The following ZDHHC11B variants were observed in gnomAD, a reference collection of about 807,000 sequenced individuals.
ZDHHC11B encodes zDHHC palmitoyltransferase 11B (putative).
ZDHHC11B carries 17 observed loss-of-function variants against 42.3 expected under a neutral mutation model. That is an observed-to-expected ratio of 0.40 (90% CI 0.27 to 0.60). ZDHHC11B has a LOEUF of 0.60. Ranked by LOEUF, ZDHHC11B falls within the 20% of genes least tolerant of loss-of-function variation. The pLI is 0.41. For synonymous variants in ZDHHC11B, 123 were observed against 193.5 expected (o/e 0.64, Z 3.02); for missense variants, 262 against 463.2 (o/e 0.57, Z 3.99).
At chr5:731,691 C>T (rs443668) in intron 11 of ZDHHC11B, among the ~76,000 whole-genome samples, 9,052 of 140,348 alleles carry the variant, frequency 0.064, 82 homozygotes, top group African/African-American at 0.16. Context: ...ATGGAAGAAA[C>T]AATTTTAAAT....
At chr5:776,674 T>A (rs1157109389) in intron 1 of ZDHHC11B, among the ~76,000 whole-genome samples, 2 of 151,688 alleles carry the variant, frequency 1.3e-5, no homozygotes, top group African/African-American at 4.8e-5. Context: ...GCGGAAGGAG[T>A]GGACAGAGCC....
intron 4 of ZDHHC11B, among the ~76,000 whole-genome samples, chr5:758,683 C>A (rs764065157): frequency 6.6e-5 from 10 of 151,726 alleles, no homozygotes; most frequent in South Asian, 2.1e-4. Flanking sequence ...GACTCCCCCC[C>A]ACCAAGATTC....
intron 4 of ZDHHC11B, among the ~76,000 whole-genome samples, chr5:760,468 A>G (rs1734455875): frequency 6.6e-6 from 1 of 151,672 alleles, no homozygotes; most frequent in Non-Finnish European, 1.5e-5. Context: ...CAGGGGGAGC[A>G]GTGTGCAGCC....
At position 711,857 on chromosome 5, in the gene ZDHHC11B, CATTTCCCA is replaced by C. The variant is rs1741406459; in HGVS notation, c.*425_*432del. 1 of 124,058 alleles carries C rather than the reference CATTTCCCA, an allele frequency of 8.1e-6. No homozygotes were observed. Among genetic ancestry groups the C allele is most frequent in the Non-Finnish European group, 1.8e-5 (1 of 55,390 alleles). The allele number at this position is 124,058 out of a possible 1,614,324, so 7.7% of individuals were successfully genotyped here. A position where few individuals can be genotyped will look rare whatever the true frequency, so the allele number is the denominator to read the frequency against. ...CTCCCATTTCTCAGTACTGTGCTCC[CATTTCCCA>C]GTACTATGCTCCCATTTCCCAGTAC... is the stretch of plus-strand genomic sequence containing the variant. On this transcript the variant is annotated 3_prime_UTR_variant, in exon 14 of 14. Transcript: ENST00000508859.
chr5:769,777 C>T (rs1735832748), intron 1 of ZDHHC11B, among the ~76,000 whole-genome samples: 1 of 152,116 alleles, frequency 6.6e-6, no homozygotes, highest in Middle Eastern at 3.4e-3. Flanking sequence ...TTTTCTAAGA[C>T]TGCTTTCCAG....
Position 758,280 on chromosome 5 carries a change from C to A in ZDHHC11B, c.223-2136G>T, listed in dbSNP as rs1460202990. Reference sequence around the variant, plus strand: ...CAGAGCTGGAGCAGCACTTCCCTCACTGGAAACCAGTGGCAGGGAGGGTGG... The same window carrying A: ...CAGAGCTGGAGCAGCACTTCCCTCAATGGAAACCAGTGGCAGGGAGGGTGG... On this transcript the variant is annotated intron_variant, in intron 4 of 13. Coordinates refer to ENST00000508859, the MANE Select transcript of ZDHHC11B (RefSeq NM_001351303.2). 2.0e-5 allele frequency among the ~76,000 whole-genome samples: 3 copies of A among 152,060 alleles called. No individual in the cohort carries two copies. In the East Asian group the frequency reaches 5.8e-4, roughly 29 times the overall value.
chr5:754,536 C>T (rs1746321133), intron 6 of ZDHHC11B, among the ~76,000 whole-genome samples: 4 of 129,450 alleles, frequency 3.1e-5, no homozygotes, highest in South Asian at 3.3e-4. Context: ...AAACACCTCT[C>T]GTCTATGAGC....
chr5:757,965 G>A (rs1305760236), intron 4 of ZDHHC11B, among the ~76,000 whole-genome samples: 9 of 151,804 alleles, frequency 5.9e-5, no homozygotes, highest in Admixed American at 2.0e-4. Flanking sequence ...GGGCCCCACC[G>A]GACTTGGGAG....
At chr5:773,469 T>G (rs536867724) in intron 1 of ZDHHC11B, among the ~76,000 whole-genome samples, 1 of 151,968 alleles carries the variant, frequency 6.6e-6, no homozygotes, top group Admixed American at 6.6e-5. Flanking sequence ...GTGTGTGCCC[T>G]GAACCTCCAG....
At chr5:764,533 T>A (rs1187111201) in intron 4 of ZDHHC11B, among the ~76,000 whole-genome samples, 1 of 151,902 alleles carries the variant, frequency 6.6e-6, no homozygotes, top group Admixed American at 6.6e-5. Context: ...GTGCGCCAGG[T>A]CCCCCAGGAG....
intron 13 of ZDHHC11B, among the ~76,000 whole-genome samples, chr5:715,565 T>A (rs1010788003): frequency 2.0e-5 from 3 of 151,490 alleles, no homozygotes; most frequent in African/African-American, 7.3e-5. Flanking sequence ...CCACATCTCA[T>A]TCATCTCCCC....
intron 10 of ZDHHC11B, among the ~76,000 whole-genome samples, chr5:736,050 C>A (rs1743478336): frequency 1.3e-5 from 2 of 149,484 alleles, no homozygotes; most frequent in Non-Finnish European, 3.0e-5. Flanking sequence ...ATCCACCAAC[C>A]AAGTATCTGC....
At chr5:754,003 C>T (rs1746149340) in intron 6 of ZDHHC11B, among the ~76,000 whole-genome samples, 1 of 140,040 alleles carries the variant, frequency 7.1e-6, no homozygotes, top group African/African-American at 2.5e-5. Context: ...CCTGGATCCT[C>T]CACTGTGCTC....
In ZDHHC11B at chr5:730,443, G is replaced by C; in HGVS notation, c.1049C>G (p.Ser350Cys). The C allele has an allele frequency of 6.3e-7, 1 of 1,578,174 alleles. No homozygotes were observed. Among genetic ancestry groups the C allele is most frequent in the African/African-American group, 1.4e-5 (1 of 72,954 alleles). ...AAACTTACGAACTTACCCAAGTGTA[G>C]ATGTACTCGGGGCATCATCTGCTTC... is the stretch of plus-strand genomic sequence containing the variant. Reference protein sequence around the residue: ...AQEADDAPSTSTLGLQQETTE... With the variant: ...AQEADDAPSTCTLGLQQETTE... Residue 350 changes from serine to cysteine, a missense_variant, in exon 12 of 14, where the codon TCT (serine) becomes TGT (cysteine). This residue lies in a region of ZDHHC11B where 75 missense variants were observed against 70.1 expected (regional missense o/e 1.07). Coordinates refer to ENST00000508859, the MANE Select transcript of ZDHHC11B (RefSeq NM_001351303.2).
At chr5:774,851 T>G (rs1024691647) in intron 1 of ZDHHC11B, among the ~76,000 whole-genome samples, 1 of 151,912 alleles carries the variant, frequency 6.6e-6, no homozygotes, top group East Asian at 1.9e-4. Context: ...GTTTTAAAGA[T>G]AGCAGCAGCC....
At chr5:725,324 C>T (rs1431685802) in intron 12 of ZDHHC11B, among the ~76,000 whole-genome samples, 3 of 143,386 alleles carry the variant, frequency 2.1e-5, no homozygotes, top group Admixed American at 7.1e-5. Flanking sequence ...AAGGGGCTCT[C>T]ATCAGACACC....
chr5:713,815 C>T (rs1435580908), intron 13 of ZDHHC11B, among the ~76,000 whole-genome samples: 1 of 151,940 alleles, frequency 6.6e-6, no homozygotes, highest in African/African-American at 2.4e-5. Context: ...TTCTAGTTTG[C>T]CACTGCAATG....
intron 1 of ZDHHC11B, among the ~76,000 whole-genome samples, chr5:773,407 G>A (rs146309352): frequency 0.022 from 3,392 of 151,142 alleles, 66 homozygotes; most frequent in Middle Eastern, 0.034. Flanking sequence ...AAGACAAACT[G>A]CTCACATGGG....
At chr5:765,750 C>T (rs1307029419) in intron 4 of ZDHHC11B, among the ~76,000 whole-genome samples, 1 of 151,882 alleles carries the variant, frequency 6.6e-6, no homozygotes, top group Non-Finnish European at 1.5e-5. Flanking sequence ...CCAGGGATAC[C>T]CCAAACCACC....
Sources: allele counts gnomAD v4.1 joint callset (sites outside exome capture counted in the v4.1 genomes callset), GRCh38; gene constraint gnomAD v4.1.1; regional missense constraint gnomAD v4.1.1; transcripts MANE v1.5; gene names NCBI Gene and HGNC (gene_info 2026-07-23, HGNC 2026-07-21).